IL1RAPL1: variants seen among roughly 807,000 people sequenced by gnomAD.
IL1RAPL1 encodes the protein interleukin 1 receptor accessory protein like 1, also known as interleukin-1 receptor accessory protein-like 1.
In IL1RAPL1, 3 loss-of-function variants were observed where a neutral mutation model predicts 48.4. The observed-to-expected ratio is 0.06, with a 90% CI of 0.03 to 0.16. IL1RAPL1 has a LOEUF of 0.16. IL1RAPL1 is among the 10% of genes least tolerant of loss of function. The pLI is 1.00. For missense variants in IL1RAPL1, 349 were observed against 530.6 expected (o/e 0.66, Z 3.36); for synonymous variants, 185 against 187.7 (o/e 0.99, Z 0.12).
intron 1 of IL1RAPL1, among the ~76,000 whole-genome samples, chrX:28,668,591 A>G (rs1934910661): frequency 8.8e-6 from 1 of 113,416 alleles, no homozygotes; most frequent in South Asian, 3.5e-4. Flanking sequence ...TTGTGTCTGC[A>G]GCTTTGTATA....
chrX:29,805,455 GC>G (rs766775975), intron 6 of IL1RAPL1, among the ~76,000 whole-genome samples: 2 of 110,526 alleles, frequency 1.8e-5, no homozygotes, highest in East Asian at 5.7e-4. Context: ...AATCTGTCTA[GC>G]CAAGACCACA....
chrX:28,687,551 G>A (rs1250249498), intron 1 of IL1RAPL1, among the ~76,000 whole-genome samples: 1 of 111,358 alleles, frequency 9.0e-6, no homozygotes, highest in Non-Finnish European at 1.9e-5. Context: ...GGGAGGCCGA[G>A]GCGGGTGGAT....
chrX:29,630,085 T>C lies in IL1RAPL1; in HGVS notation c.704-38345T>C, dbSNP rs746700778. On this transcript the variant is annotated intron_variant, in intron 5 of 10. Transcript: ENST00000378993. ...ACTTCTTTCTCACTGCTCTGGAAGC[T>C]GGAAAGTCCCAGATCAGTGTGCCAG... 1.7e-4 allele frequency among the ~76,000 whole-genome samples: 19 copies of C among 112,214 alleles called. No homozygotes were observed. In the Admixed American group the frequency reaches 1.7e-3, roughly 10 times the overall value.
At chrX:29,878,172 G>A (rs925889348) in intron 6 of IL1RAPL1, among the ~76,000 whole-genome samples, 1 of 111,786 alleles carries the variant, frequency 8.9e-6, no homozygotes, top group South Asian at 3.7e-4. Flanking sequence ...TATGGGAGGT[G>A]TGGGTTAAGA....
chrX:29,010,213 T>C (rs1926090250), intron 2 of IL1RAPL1, among the ~76,000 whole-genome samples: 1 of 112,016 alleles, frequency 8.9e-6, no homozygotes, highest in African/African-American at 3.2e-5. Context: ...TGACTTCTTC[T>C]TTTCCTATTT....
chrX:28,829,558 A>ATT (rs36082731), intron 2 of IL1RAPL1, among the ~76,000 whole-genome samples: 3 of 80,819 alleles, frequency 3.7e-5, no homozygotes, highest in East Asian at 4.0e-4. Context: ...GGGTGCTGGA[A>ATT]TTTTTTTTTT....
At chrX:29,173,337 T>C (rs1334322392) in intron 2 of IL1RAPL1, among the ~76,000 whole-genome samples, 2 of 112,153 alleles carry the variant, frequency 1.8e-5, no homozygotes, top group East Asian at 2.8e-4. Context: ...GAAATACTTT[T>C]TGGTGCAATT....
intron 3 of IL1RAPL1, among the ~76,000 whole-genome samples, chrX:29,305,987 A>T (rs1932610486): frequency 8.9e-6 from 1 of 112,033 alleles, no homozygotes; most frequent in Non-Finnish European, 1.9e-5. Context: ...TAAACTAAGG[A>T]TGACAGACAT....
intron 2 of IL1RAPL1, among the ~76,000 whole-genome samples, chrX:29,206,866 C>G (rs1049454790): frequency 5.4e-5 from 6 of 111,829 alleles, no homozygotes; most frequent in Non-Finnish European, 9.4e-5. Flanking sequence ...ACACAAAATA[C>G]ATGCCATACA....
rs761346534 is a variant in IL1RAPL1 at position 28,671,262 on chromosome X, C to T, written c.-25+83215C>T. On this transcript the variant is annotated intron_variant, in intron 1 of 10. Transcript: ENST00000378993. ...AAAACTTATAAAATTCATTCCAACA[C>T]ACTTGCCAGCTAATGGATCTGAGTA... Among the ~76,000 whole-genome samples, 263 of 112,077 alleles carry T rather than the reference C, an allele frequency of 2.3e-3. 1 individual carries two copies. Among genetic ancestry groups the T allele is most frequent in the Non-Finnish European group, 4.3e-3 (231 of 53,155 alleles).
intron 1 of IL1RAPL1, among the ~76,000 whole-genome samples, chrX:28,724,226 T>C (rs955484286): frequency 9.0e-6 from 1 of 111,271 alleles, no homozygotes; most frequent in African/African-American, 3.3e-5. Context: ...TGAGTGGGAG[T>C]CTAAGTCTCT....
intron 1 of IL1RAPL1, among the ~76,000 whole-genome samples, chrX:28,673,568 A>G (rs755568013): frequency 3.6e-5 from 4 of 112,053 alleles, no homozygotes; most frequent in Non-Finnish European, 7.5e-5. Context: ...TCAGTGGCTA[A>G]TATCTTAGTT....
At chrX:29,382,226 A>C (rs904079740) in intron 3 of IL1RAPL1, among the ~76,000 whole-genome samples, 3 of 111,702 alleles carry the variant, frequency 2.7e-5, no homozygotes, top group Non-Finnish European at 5.6e-5. Flanking sequence ...CATTCAGATA[A>C]GACTGAATAT....
chrX:29,034,430 G>C (rs1926685680), intron 2 of IL1RAPL1, among the ~76,000 whole-genome samples: 1 of 111,412 alleles, frequency 9.0e-6, no homozygotes, highest in Admixed American at 9.5e-5. Flanking sequence ...TAAAAATCTG[G>C]CTACTTGTTT....
chrX:28,863,564 A>G (rs148861734), intron 2 of IL1RAPL1, among the ~76,000 whole-genome samples: 176 of 111,324 alleles, frequency 1.6e-3, no homozygotes, highest in African/African-American at 5.5e-3. Flanking sequence ...AATGCTGTAA[A>G]TGTGTTATTT....
At chrX:28,755,429 C>T (rs1200881837) in intron 1 of IL1RAPL1, among the ~76,000 whole-genome samples, 1 of 112,500 alleles carries the variant, frequency 8.9e-6, no homozygotes, top group African/African-American at 3.2e-5. Context: ...TTCAACTGCA[C>T]TAGTTACATT....
At chrX:29,747,655 T>G (rs1928364557) in intron 6 of IL1RAPL1, among the ~76,000 whole-genome samples, 1 of 112,525 alleles carries the variant, frequency 8.9e-6, no homozygotes, top group African/African-American at 3.2e-5. Context: ...TGGAACTAAA[T>G]GGATGAAAAG....
At chrX:29,236,545 CT>C (rs754996544) in intron 2 of IL1RAPL1, among the ~76,000 whole-genome samples, 47 of 63,141 alleles carry the variant, frequency 7.4e-4, no homozygotes, top group East Asian at 1.6e-3. Context: ...CTTTTTTTTT[CT>C]TTTTTTTTTT....
chrX:28,843,490 A>C (rs1189667328), intron 2 of IL1RAPL1, among the ~76,000 whole-genome samples: 1 of 111,877 alleles, frequency 8.9e-6, no homozygotes, highest in African/African-American at 3.2e-5. Flanking sequence ...CAAGATGTCC[A>C]GGGTATGGCT....
Sources: gnomAD v4.1 joint callset for allele counts (sites outside exome capture counted in the v4.1 genomes callset) on GRCh38, gnomAD v4.1.1 for gene constraint, MANE v1.5 for transcripts, NCBI Gene and HGNC (gene_info 2026-07-23, HGNC 2026-07-21) for gene names.